The following STARD13 variants were observed in gnomAD, a reference collection of about 807,000 sequenced individuals.
STARD13 encodes stAR-related lipid transfer protein 13.
STARD13 carries 62 observed loss-of-function variants against 106.4 expected under a neutral mutation model. That is an observed-to-expected ratio of 0.58 (90% CI 0.48 to 0.72). STARD13 has a LOEUF of 0.72. Ranked by LOEUF, STARD13 falls within the 30% of genes least tolerant of loss-of-function variation. The pLI is 0.00. For synonymous variants in STARD13, 565 were observed against 553.0 expected (o/e 1.02, Z -0.31); for missense variants, 1,387 against 1,424.0 (o/e 0.97, Z 0.42).
chr13:33,499,295 C>T, the STARD13 span, among the ~76,000 whole-genome samples: 4 of 152,202 alleles, frequency 2.6e-5, no homozygotes, highest in African/African-American at 4.8e-5. Context: ...TCAGCTTAAG[C>T]TGCCATGACA....
chr13:33,438,125 T>C, the STARD13 span, among the ~76,000 whole-genome samples: 2 of 152,232 alleles, frequency 1.3e-5, no homozygotes, highest in African/African-American at 4.8e-5. Context: ...TTGTAACTTT[T>C]ACATGGTGAA....
chr13:33,583,736 A>G, the STARD13 span, among the ~76,000 whole-genome samples: 1 of 152,068 alleles, frequency 6.6e-6, no homozygotes, highest in Admixed American at 6.5e-5. Flanking sequence ...ATAGCTCCAA[A>G]CCACATGCCA....
At chr13:33,310,232 G>A (rs1893079534) in intron 1 of STARD13, among the ~76,000 whole-genome samples, 1 of 152,190 alleles carries the variant, frequency 6.6e-6, no homozygotes, top group Non-Finnish European at 1.5e-5. Flanking sequence ...TAGCAAAGGT[G>A]CTGGTGGTTC....
the STARD13 span, among the ~76,000 whole-genome samples, chr13:33,540,829 G>C: frequency 6.6e-6 from 1 of 152,228 alleles, no homozygotes; most frequent in African/African-American, 2.4e-5. Flanking sequence ...GGCAAAGTCA[G>C]TAAAGCAAAG....
At chr13:33,529,716 C>A in the STARD13 span, among the ~76,000 whole-genome samples, 3 of 152,246 alleles carry the variant, frequency 2.0e-5, no homozygotes, top group Admixed American at 2.0e-4. Context: ...AGGAAGTGTT[C>A]ATAGAGGTGG....
chr13:33,238,787 T>C (rs571245744), intron 1 of STARD13, among the ~76,000 whole-genome samples: 1 of 152,292 alleles, frequency 6.6e-6, no homozygotes, highest in South Asian at 2.1e-4. Context: ...AAGTGCTTTA[T>C]ATACATTATC....
At chr13:33,397,646 G>C in the STARD13 span, among the ~76,000 whole-genome samples, 4 of 152,164 alleles carry the variant, frequency 2.6e-5, no homozygotes, top group Non-Finnish European at 5.9e-5. Context: ...GAAAATGAAG[G>C]ACAAGGGCCT....
Position 33,118,186 on chromosome 13 carries a change from G to T in STARD13, c.2160C>A (p.Asn720Lys), listed in dbSNP as rs759642660. 3.7e-6 allele frequency: 6 copies of T among 1,614,068 alleles called. No homozygotes were observed. The Admixed American group carries it at 8.3e-5, about 22-fold the overall frequency. ...AAGCAGACTGGTCTTCATAGTTGACGTTCTCAGGGAAGTTTTCATTCATTT... is the reference window on the plus strand; with the variant it reads ...AAGCAGACTGGTCTTCATAGTTGACTTTCTCAGGGAAGTTTTCATTCATTT... ...LRQMNENFPE[N>K]VNYEDQSAYD... Residue 720 changes from asparagine (N) to lysine (K), a missense_variant, in exon 8 of 14, where the codon AAC becomes AAA. Asn to Lys is a moderately conservative substitution (Grantham distance 94, BLOSUM62 0). Coordinates refer to ENST00000336934, the MANE Select transcript of STARD13 (RefSeq NM_178006.4).
chr13:33,220,548 C>T (rs909736331), intron 1 of STARD13, among the ~76,000 whole-genome samples: 11 of 152,096 alleles, frequency 7.2e-5, no homozygotes, highest in South Asian at 6.2e-4. Context: ...AAAAATTAGC[C>T]GGGTGTGGTG....
chr13:33,492,257 A>T, the STARD13 span, among the ~76,000 whole-genome samples: 1 of 152,238 alleles, frequency 6.6e-6, no homozygotes, highest in African/African-American at 2.4e-5. Flanking sequence ...GAGGCCTGAC[A>T]GATATTGTAA....
intron 4 of STARD13, among the ~76,000 whole-genome samples, chr13:33,132,408 C>T (rs1479449876): frequency 1.3e-5 from 2 of 152,192 alleles, no homozygotes; most frequent in Non-Finnish European, 2.9e-5. Context: ...ACCCCTTTTG[C>T]TTGGCTCTCT....
the STARD13 span, among the ~76,000 whole-genome samples, chr13:33,623,383 A>C: frequency 4.0e-5 from 6 of 150,964 alleles, no homozygotes; most frequent in African/African-American, 1.2e-4. Context: ...AAAAGACACA[A>C]AAAGCCCTAA....
chr13:33,299,084 C>T (rs910739734), intron 1 of STARD13, among the ~76,000 whole-genome samples: 2 of 152,182 alleles, frequency 1.3e-5, no homozygotes, highest in Non-Finnish European at 2.9e-5. Flanking sequence ...TAAATGCTTA[C>T]CATTGTGTTA....
At chr13:33,118,001 G>A (rs771382299) in intron 8 of STARD13, 64 bp downstream of exon 8, 8 of 1,603,810 alleles carry the variant, frequency 5.0e-6, no homozygotes, top group Non-Finnish European at 6.8e-6. Flanking sequence ...CAATCTATAG[G>A]GAATTATTTT....
At chr13:33,197,642 T>C (rs540628972) in intron 1 of STARD13, among the ~76,000 whole-genome samples, 2 of 152,362 alleles carry the variant, frequency 1.3e-5, no homozygotes, top group East Asian at 3.9e-4. Flanking sequence ...ACAGTGCTGC[T>C]GCTGACGCAG....
chr13:33,590,737 AG>A, the STARD13 span, among the ~76,000 whole-genome samples: 1 of 150,766 alleles, frequency 6.6e-6, no homozygotes, highest in African/African-American at 2.4e-5. Flanking sequence ...GGATAGCATT[AG>A]GAGATATACC....
the STARD13 span, among the ~76,000 whole-genome samples, chr13:33,499,547 TTC>T: frequency 0.01 from 573 of 55,088 alleles, 29 homozygotes; most frequent in Admixed American, 0.012. Context: ...CTTCTTCTTC[TTC>T]TTCTTCTTCT....
the STARD13 span, among the ~76,000 whole-genome samples, chr13:33,448,393 A>G: frequency 6.6e-6 from 1 of 152,172 alleles, no homozygotes; most frequent in Non-Finnish European, 1.5e-5. Context: ...ATTTCACTCA[A>G]TATAATTTAA....
At chr13:33,542,494 TG>T in the STARD13 span, among the ~76,000 whole-genome samples, 39 of 152,156 alleles carry the variant, frequency 2.6e-4, no homozygotes, top group African/African-American at 9.4e-4. Flanking sequence ...GTGCAAACAT[TG>T]AAAAAGACGC....
Sources: allele counts gnomAD v4.1 joint callset (sites outside exome capture counted in the v4.1 genomes callset), GRCh38; gene constraint gnomAD v4.1.1; transcripts MANE v1.5; gene names NCBI Gene and HGNC (gene_info 2026-07-23, HGNC 2026-07-21).